The following MGAT5B variants were observed in gnomAD, a reference collection of about 807,000 sequenced individuals.
The protein encoded by MGAT5B is N-acetylglucosaminyl-transferase Vb.
A neutral mutation model predicts 95.1 loss-of-function variants in MGAT5B; 54 were observed. The observed-to-expected ratio is 0.57, with a 90% CI of 0.46 to 0.71. The LOEUF (loss-of-function observed/expected upper bound fraction) is 0.71, where lower values mean the gene tolerates loss of function less well. MGAT5B is among the 30% of genes least tolerant of loss of function. MGAT5B has a pLI of 0.00. For synonymous variants in MGAT5B, 464 were observed against 451.0 expected (o/e 1.03, Z -0.36); for missense variants, 935 against 1,088.6 (o/e 0.86, Z 1.99).
chr17:76,910,258 C>T (rs548886450), intron 8 of MGAT5B, among the ~76,000 whole-genome samples: 1 of 152,334 alleles, frequency 6.6e-6, no homozygotes, highest in South Asian at 2.1e-4. Context: ...CCCGCCTGCA[C>T]CCACTGCTGC....
intron 2 of MGAT5B, among the ~76,000 whole-genome samples, chr17:76,879,314 A>G (rs921653720): frequency 6.6e-6 from 1 of 152,166 alleles, no homozygotes; most frequent in Non-Finnish European, 1.5e-5. Flanking sequence ...CCCAAAAGCC[A>G]CGCTGTGGGC....
chr17:76,940,692 C>G lies in MGAT5B; in HGVS notation c.1732-40C>G. ...CCTTTCTTTGTCCCTGTCCCACTGG[C>G]AGGCACGGGGGGCATCTGCAATCTC... On this transcript the variant is annotated intron_variant, in intron 14 of 17. Coordinates refer to ENST00000569840, the MANE Select transcript of MGAT5B (RefSeq NM_001199172.2). This position sits in a 1 kb window ranked among gnomAD's most constrained non-coding sequence, Gnocchi z 4.3. The G allele has an allele frequency of 6.2e-7, 1 of 1,606,764 alleles. No homozygotes were observed. The highest frequency in any genetic ancestry group is 8.5e-7 in the Non-Finnish European group (1 of 1,174,044).
chr17:76,898,488 C>A (rs1289526025), intron 3 of MGAT5B, among the ~76,000 whole-genome samples: 1 of 151,914 alleles, frequency 6.6e-6, no homozygotes, highest in Admixed American at 6.6e-5. Context: ...ACCACCACAC[C>A]CGGCTAATTT....
chr17:76,872,979 A>C lies in MGAT5B; in HGVS notation c.181+16A>C. ...CGCACAGAAGGTACCTTGGTGGGGCAAGGGGAGTGTGAGATGAGTGAGGGC... is the reference window on the plus strand; with the variant it reads ...CGCACAGAAGGTACCTTGGTGGGGCCAGGGGAGTGTGAGATGAGTGAGGGC... On this transcript the variant is annotated intron_variant, in intron 2 of 17. Transcript: ENST00000569840. The C allele has an allele frequency of 6.2e-7, 1 of 1,612,330 alleles. No homozygotes were observed. Among genetic ancestry groups the C allele is most frequent in the Non-Finnish European group, 8.5e-7 (1 of 1,179,936 alleles).
chr17:76,914,300 G>A lies in MGAT5B; in HGVS notation c.1025+8113G>A, dbSNP rs1382760769. ...GATGGGGAGGACACAGCAGTCGTGA[G>A]TGTCTGCACTCCTCCAAGGAGCTTG... is the stretch of plus-strand genomic sequence containing the variant. On this transcript the variant is annotated intron_variant, in intron 8 of 17. Transcript: ENST00000569840. The surrounding 1 kb of genome is among the most constrained non-coding windows in gnomAD (Gnocchi z 5.1). Among the ~76,000 whole-genome samples the A allele has an allele frequency of 1.3e-5, 2 of 152,240 alleles. No homozygotes were observed. The highest frequency in any genetic ancestry group is 2.4e-5 in the African/African-American group (1 of 41,458).
chr17:76,940,785 G>GA lies in MGAT5B; in HGVS notation c.1786dup (p.Thr596AsnfsTer11). 6.2e-7 allele frequency: 1 copy of GA among 1,614,160 alleles called. No individual in the cohort carries two copies. The highest frequency in any genetic ancestry group is 8.5e-7 in the Non-Finnish European group (1 of 1,180,040). On this transcript the variant is annotated frameshift_variant, in exon 15 of 18. Coordinates refer to ENST00000569840, the MANE Select transcript of MGAT5B (RefSeq NM_001199172.2). LOFTEE classifies it high-confidence loss of function. This position sits in a 1 kb window ranked among gnomAD's most constrained non-coding sequence, Gnocchi z 4.3. ...ACTTCATCGGCAAGCCCCACGTGTGGACAGTCGACTACAACAACTCAGAGG... is the reference window on the plus strand; with the variant it reads ...ACTTCATCGGCAAGCCCCACGTGTGGAACAGTCGACTACAACAACTCAGAGG...
intron 10 of MGAT5B, among the ~76,000 whole-genome samples, chr17:76,927,940 T>A (rs1969366018): frequency 6.6e-6 from 1 of 152,402 alleles, no homozygotes; most frequent in African/African-American, 2.4e-5. Flanking sequence ...GAGTAAAGTA[T>A]GTGATTTGTA....
rs1212359249 is a variant in MGAT5B, at chr17:76,903,349, G to A, written c.492G>A (p.Lys164=). ...RDQCEAPSDP[K]FPDCSGKVEW... ...AGTGTGAGGCACCCAGTGACCCCAA[G>A]TTCCCTGACTGCTCAGGGAAGGTGG... The change falls in exon 5 of 18, where the codon AAG becomes AAA. Residue 164 remains lysine (K), a synonymous_variant. Transcript: ENST00000569840. The A allele has an allele frequency of 2.5e-6, 4 of 1,611,284 alleles. No individual in the cohort carries two copies. Among genetic ancestry groups the A allele is most frequent in the Non-Finnish European group, 1.7e-6 (2 of 1,178,792 alleles).
In MGAT5B at chr17:76,940,382, T is replaced by C. The variant is rs2145276601; in HGVS notation, c.1585-20T>C. ...TGGCGGCCCAGCCCTCCCTGATCAC[T>C]GCGCCCCTTGACTCTGCAGCTCTTC... On this transcript the variant is annotated intron_variant, in intron 13 of 17. Coordinates refer to ENST00000569840, the MANE Select transcript of MGAT5B (RefSeq NM_001199172.2). The surrounding 1 kb of genome is among the most constrained non-coding windows in gnomAD (Gnocchi z 4.3). 6.3e-7 allele frequency: 1 copy of C among 1,578,044 alleles called. No individual in the cohort carries two copies. Among genetic ancestry groups the C allele is most frequent in the Non-Finnish European group, 8.6e-7 (1 of 1,160,736 alleles).
chr17:76,928,232 G>A (rs1969376159), intron 10 of MGAT5B, among the ~76,000 whole-genome samples: 1 of 152,024 alleles, frequency 6.6e-6, no homozygotes, highest in South Asian at 2.1e-4. Flanking sequence ...GGTTGCATGA[G>A]ACTTCTTACT....
At chr17:76,946,482 C>G (rs1216084889) in intron 16 of MGAT5B, 32 bp downstream of exon 16, 2 of 1,540,186 alleles carry the variant, frequency 1.3e-6, no homozygotes, top group Non-Finnish European at 1.8e-6. Context: ...TGCCCCAGAT[C>G]CTGTCAGACC....
At chr17:76,947,679 T>C in intron 16 of MGAT5B, 151 bp from the exon 17 acceptor site, 1 of 1,302,198 alleles carries the variant, frequency 7.7e-7, no homozygotes, top group Non-Finnish European at 9.9e-7. Context: ...CCATGAGAAG[T>C]AAATGAAATA....
chr17:76,944,482 C>G (rs1033457604), intron 15 of MGAT5B, among the ~76,000 whole-genome samples: 1 of 152,122 alleles, frequency 6.6e-6, no homozygotes, highest in African/African-American at 2.4e-5. Context: ...CCCAGGACTT[C>G]GTCATGAGTG....
chr17:76,936,938 A>G (rs1969692119), intron 12 of MGAT5B, among the ~76,000 whole-genome samples: 2 of 151,300 alleles, frequency 1.3e-5, no homozygotes, highest in South Asian at 2.1e-4. Context: ...GCATTTCCAA[A>G]TGAGTTTTAG....
rs1568168863 is a variant in MGAT5B, at chr17:76,887,453, T to TC, written c.329+5157dup. Among the ~76,000 whole-genome samples, 106 of 44,586 alleles carry TC rather than the reference T, an allele frequency of 2.4e-3. 1 individual carries two copies. Among genetic ancestry groups the TC allele is most frequent in the African/African-American group, 9.7e-3 (100 of 10,336 alleles). 29.3% of individuals were successfully genotyped at this position (44,586 alleles called of 152,430 possible). A position where few individuals can be genotyped will look rare whatever the true frequency, so the allele number is the denominator to read the frequency against. On this transcript the variant is annotated intron_variant, in intron 3 of 17. Coordinates refer to ENST00000569840, the MANE Select transcript of MGAT5B (RefSeq NM_001199172.2). ...TCTTTCCCTCCCTCCCTCCCTTCCT[T>TC]CCTCCCTCCCTCCCTCCCTTCCTCC...
Position 76,894,205 on chromosome 17 carries a change from A to C in MGAT5B, c.330-8350A>C, listed in dbSNP as rs141025904. Among the ~76,000 whole-genome samples the C allele has an allele frequency of 1.9e-3, 296 of 152,270 alleles. 2 individuals carry two copies. The highest frequency in any genetic ancestry group is 6.7e-3 in the African/African-American group (277 of 41,556). On this transcript the variant is annotated intron_variant, in intron 3 of 17. Coordinates refer to ENST00000569840, the MANE Select transcript of MGAT5B (RefSeq NM_001199172.2). The stretch of plus-strand genomic sequence containing the variant: ...CCTCTCCAGCTGTCCGTCTCCAGCC[A>C]TGTTGCCTGTTCAGCAGCCTTCTGG...
chr17:76,924,100 G>T (rs957104983), intron 8 of MGAT5B: 1 of 152,406 alleles, frequency 6.6e-6, no homozygotes, highest in East Asian at 1.9e-4. Context: ...GGCAGGGGGG[G>T]TTGTGGGCAG....
At chr17:76,897,698 TTTC>T (rs1968125342) in intron 3 of MGAT5B, among the ~76,000 whole-genome samples, 2 of 113,556 alleles carry the variant, frequency 1.8e-5, no homozygotes, top group African/African-American at 9.0e-5. Flanking sequence ...TCTTTCTTTC[TTTC>T]TTTCTTTCTT....
In MGAT5B at chr17:76,914,208, A is replaced by C. The variant is rs554738873; in HGVS notation, c.1025+8021A>C. The stretch of plus-strand genomic sequence containing the variant: ...AGATGTCATTGCTGACTTTGGAAAG[A>C]GCATTGTGGTGCAGTCGTGGGGACA... On this transcript the variant is annotated intron_variant, in intron 8 of 17. Transcript: ENST00000569840. This position sits in a 1 kb window ranked among gnomAD's most constrained non-coding sequence, Gnocchi z 5.1. 5.1e-6 allele frequency: 1 copy of C among 195,030 alleles called. No individual in the cohort carries two copies. The highest frequency in any genetic ancestry group is 1.4e-4 in the East Asian group (1 of 7,296). The allele number at this position is 195,030 out of a possible 1,614,324, so 12.1% of individuals were successfully genotyped here.
Sources: allele counts gnomAD v4.1 joint callset (sites outside exome capture counted in the v4.1 genomes callset), GRCh38; gene constraint gnomAD v4.1.1; non-coding constraint Gnocchi (gnomAD v3.1); transcripts MANE v1.5; gene names NCBI Gene and HGNC (gene_info 2026-07-23, HGNC 2026-07-21).